Variants in DDX24 observed in about 807,000 individuals in gnomAD.
DDX24 encodes DEAD-box helicase 24.
In DDX24, 24 loss-of-function variants were observed where a neutral mutation model predicts 68.9. The observed-to-expected ratio is 0.35, with a 90% CI of 0.25 to 0.49. The LOEUF is 0.49. Ranked by LOEUF, DDX24 falls within the 20% of genes least tolerant of loss-of-function variation. The pLI, the probability that DDX24 is intolerant of heterozygous loss-of-function variation, is 0.99. For missense variants in DDX24, 989 were observed against 1,039.0 expected, an observed-to-expected ratio of 0.95 and a Z score of 0.66; for synonymous variants, 395 against 385.2, an observed-to-expected ratio of 1.03 and a Z score of -0.30.
intron 7 of DDX24, among the ~76,000 whole-genome samples, 169 bp downstream of exon 7, chr14:94,054,827 T>C (rs1424895914): frequency 6.6e-6 from 1 of 152,186 alleles, no homozygotes. Context: ...TTTTCTCCCT[T>C]TTCCCAGGTA....
At chr14:94,064,192 A>G (rs1286294621) in intron 2 of DDX24, among the ~76,000 whole-genome samples, 1 of 152,228 alleles carries the variant, frequency 6.6e-6, no homozygotes, top group Non-Finnish European at 1.5e-5. Context: ...AGACAACAAA[A>G]AAGATAAAAT....
chr14:94,055,256 C>G (rs1885471573), intron 6 of DDX24, 72 bp from the exon 7 acceptor site: 2 of 1,504,628 alleles, frequency 1.3e-6, no homozygotes, highest in Admixed American at 1.9e-5. Context: ...AGGGCCACAT[C>G]CCCAAACCAG....
rs1567059065 is a variant in DDX24, at chr14:94,061,530, TA to T, written c.1244-465del. Among the ~76,000 whole-genome samples the T allele has an allele frequency of 3.9e-5, 6 of 152,318 alleles. No individual in the cohort carries two copies. The South Asian group carries it at 1.0e-3, about 26-fold the overall frequency. On this transcript the variant is annotated intron_variant, in intron 3 of 8. Coordinates refer to ENST00000621632, the MANE Select transcript of DDX24 (RefSeq NM_020414.4). ...AGAAATTCTCATAGTATCATGTGGG[TA>T]AAGGGCTTAGCAATAGTAACAACTT... is the stretch of plus-strand genomic sequence containing the variant.
chr14:94,060,899 G>C lies in DDX24; in HGVS notation c.1397+14C>G, dbSNP rs1885583961. Reference sequence around the variant, plus strand: ...AAAGGCAGTGAGGGGGAAAAGAGAAGTGCCATCTATTACCTGAGCTGCCGA... The same window carrying C: ...AAAGGCAGTGAGGGGGAAAAGAGAACTGCCATCTATTACCTGAGCTGCCGA... On this transcript the variant is annotated intron_variant, in intron 4 of 8. Transcript: ENST00000621632. The C allele has an allele frequency of 6.2e-7, 1 of 1,613,488 alleles. No individual in the cohort carries two copies. The highest frequency in any genetic ancestry group is 8.5e-7 in the Non-Finnish European group (1 of 1,179,652).
chr14:94,052,886 A>G, intron 8 of DDX24, 112 bp downstream of exon 8: 1 of 1,424,124 alleles, frequency 7.0e-7, no homozygotes, highest in Non-Finnish European at 9.4e-7. Flanking sequence ...AAGAGGGGGA[A>G]GGACGCCTTG....
At position 94,060,579 on chromosome 14, in the gene DDX24, C is replaced by T. The variant is rs1885575744; in HGVS notation, c.1432G>A (p.Glu478Lys). ...GAGAGCTCAGCAAAATGGCCTTTCT[C>T]AACCATCCGGTCAGCCTCATCCACT... ...LVVDEADRMV[E>K]KGHFAELSQL... Residue 478 changes from glutamate to lysine, a missense_variant, in exon 5 of 9, where the codon GAG becomes AAG. Physicochemically the swap from Glu to Lys is moderately conservative, Grantham distance 56 (BLOSUM62 1). Coordinates refer to ENST00000621632, the MANE Select transcript of DDX24 (RefSeq NM_020414.4). The T allele has an allele frequency of 6.2e-7, 1 of 1,613,940 alleles. No homozygotes were observed. Among genetic ancestry groups the T allele is most frequent in the Non-Finnish European group, 8.5e-7 (1 of 1,179,930 alleles).
chr14:94,062,310 G>C lies in DDX24; in HGVS notation c.1030C>G (p.Leu344Val), dbSNP rs1885613296. 1 of 1,614,214 alleles carries C rather than the reference G, an allele frequency of 6.2e-7. No individual in the cohort carries two copies. Among genetic ancestry groups the C allele is most frequent in the Admixed American group, 1.7e-5 (1 of 60,026 alleles). ...TTGGGAACAGGTTTCTCCCTGATCA[G>C]GGAAGAAGGCCCTTCACCAGCATCA... is the stretch of plus-strand genomic sequence containing the variant. ...DDDAGEGPSS[L>V]IREKPVPKQN... is the part of the protein sequence containing the mutation. Residue 344 changes from leucine (L) to valine (V), a missense_variant, in exon 3 of 9, where the codon CTG (leucine) becomes GTG (valine). Transcript: ENST00000621632.
At chr14:94,059,914 A>G (rs570105393) in intron 5 of DDX24, among the ~76,000 whole-genome samples, 184 bp downstream of exon 5, 11 of 152,124 alleles carry the variant, frequency 7.2e-5, no homozygotes, top group Admixed American at 7.2e-4. Context: ...ATTTAACTGC[A>G]ACCAAATTCA....
At chr14:94,058,158 A>ACTC (rs376419658) in intron 5 of DDX24, among the ~76,000 whole-genome samples, 1,913 of 151,908 alleles carry the variant, frequency 0.013, 43 homozygotes, top group African/African-American at 0.042. Flanking sequence ...AATGATAAAG[A>ACTC]CTCCCTTCAG....
chr14:94,065,348 G>A (rs1031836060), intron 2 of DDX24, among the ~76,000 whole-genome samples: 1 of 140,696 alleles, frequency 7.1e-6, no homozygotes, highest in African/African-American at 2.7e-5. Context: ...CACTGCACCC[G>A]GCGTATGGGT....
At chr14:94,057,959 C>A in intron 5 of DDX24, 62 bp from the exon 6 acceptor site, 1 of 1,506,398 alleles carries the variant, frequency 6.6e-7, no homozygotes, top group Non-Finnish European at 9.2e-7. Context: ...CAAATTCTTA[C>A]CAACTGCTGA....
chr14:94,079,250 G>A lies in DDX24; in HGVS notation c.493C>T (p.Pro165Ser). The A allele has an allele frequency of 1.2e-6, 2 of 1,614,148 alleles. No individual in the cohort carries two copies. Among genetic ancestry groups the A allele is most frequent in the Non-Finnish European group, 1.7e-6 (2 of 1,180,024 alleles). Residue 165 changes from proline (P) to serine (S), a missense_variant, in exon 2 of 9, where the codon CCT becomes TCT. Physicochemically the swap from Pro to Ser is moderately conservative, Grantham distance 74. Around this residue, in one of 3 missense-constraint regions of DDX24, gnomAD observed 295 missense variants for 263.0 expected, o/e 1.12. Coordinates refer to ENST00000621632, the MANE Select transcript of DDX24 (RefSeq NM_020414.4). The part of the protein sequence containing the change: ...KKNKGKKGLE[P>S]SQSTAAKVPK... ...ACCTTGGCAGCAGTGCTCTGAGAAG[G>A]CTCCAACCCTTTTTTCCCTTTATTT...
At chr14:94,074,301 A>C (rs910791454) in intron 2 of DDX24, among the ~76,000 whole-genome samples, 1 of 152,206 alleles carries the variant, frequency 6.6e-6, no homozygotes, top group Non-Finnish European at 1.5e-5. Context: ...CTATCCCATG[A>C]ACATAAGTTC....
At position 94,060,516 on chromosome 14, in the gene DDX24, G is replaced by A. The variant is rs1885574294; in HGVS notation, c.1495C>T (p.Pro499Ser). The part of the protein sequence containing the change: ...LEMLNDSQYN[P>S]KRQTLVFSAT... ...GAAAAAACAAGCGTTTGTCTCTTTG[G>A]GTTGTATTGGGAGTCATTGAGCATC... Residue 499 changes from proline (P) to serine (S), a missense_variant, in exon 5 of 9, where the codon CCA becomes TCA. Coordinates refer to ENST00000621632, the MANE Select transcript of DDX24 (RefSeq NM_020414.4). 6.2e-7 allele frequency: 1 copy of A among 1,614,002 alleles called. No individual in the cohort carries two copies. Among genetic ancestry groups the A allele is most frequent in the African/African-American group, 1.3e-5 (1 of 74,878 alleles).
At position 94,076,375 on chromosome 14, in the gene DDX24, T is replaced by C. The variant is rs150362429; in HGVS notation, c.718+2650A>G. On this transcript the variant is annotated intron_variant, in intron 2 of 8. Coordinates refer to ENST00000621632, the MANE Select transcript of DDX24 (RefSeq NM_020414.4). ...CAGTACATATTATATGATTTCATTA[T>C]ATAAAATTCTAGAAAACGCAAATTA... Among the ~76,000 whole-genome samples the C allele has an allele frequency of 5.5e-4, 84 of 152,252 alleles. 2 individuals carry two copies. Among genetic ancestry groups the C allele is most frequent in the African/African-American group, 2.0e-3 (83 of 41,554 alleles).
chr14:94,063,165 A>G (rs530119376), intron 2 of DDX24, among the ~76,000 whole-genome samples: 67 of 152,376 alleles, frequency 4.4e-4, no homozygotes, highest in Admixed American at 8.5e-4. Flanking sequence ...TGCCCTAGGC[A>G]GAAGCCAATA....
In DDX24 at chr14:94,051,259, TCTTCTG is replaced by T; in HGVS notation, c.2506_2511del (p.Gln836_Lys837del). ...TCCTTCGGCTTCTTTGTCTTCTTCT[TCTTCTG>T]CTTGGAGAGACAGCTCAAAGCAGAC... On this transcript the variant is annotated inframe_deletion, in exon 9 of 9. Coordinates refer to ENST00000621632, the MANE Select transcript of DDX24 (RefSeq NM_020414.4). 1 of 1,599,414 alleles carries T rather than the reference TCTTCTG, an allele frequency of 6.3e-7. No homozygotes were observed. Among genetic ancestry groups the T allele is most frequent in the South Asian group, 1.1e-5 (1 of 88,372 alleles).
chr14:94,069,384 C>CA (rs1006402643), intron 2 of DDX24, among the ~76,000 whole-genome samples: 5 of 151,600 alleles, frequency 3.3e-5, no homozygotes, highest in African/African-American at 1.2e-4. Flanking sequence ...AAATTACCAA[C>CA]AAAAAAAAGT....
rs971050812 is a variant in DDX24 at position 94,062,213 on chromosome 14, T to C, written c.1127A>G (p.Lys376Arg). 6.2e-7 allele frequency: 1 copy of C among 1,614,008 alleles called. No individual in the cohort carries two copies. The highest frequency in any genetic ancestry group is 2.2e-5 in the East Asian group (1 of 44,888). The change falls in exon 3 of 9, where the codon AAA (lysine) becomes AGA (arginine). Residue 376 changes from lysine to arginine, a missense_variant. This residue lies in a region of DDX24 where 691 missense variants were observed against 760.0 expected (regional missense o/e 0.91). Transcript: ENST00000621632. ...TGGATATGCCTTACAGGTGGCGCTT[T>C]TGTCATCCAACTCCTGTTTTAGATT... is the stretch of plus-strand genomic sequence containing the variant. The part of the protein sequence containing the change: ...TGNLKQELDD[K>R]SATCKAYPKR...
Sources: allele counts gnomAD v4.1 joint callset (sites outside exome capture counted in the v4.1 genomes callset), GRCh38; gene constraint gnomAD v4.1.1; regional missense constraint gnomAD v4.1.1; transcripts MANE v1.5; gene names NCBI Gene and HGNC (gene_info 2026-07-23, HGNC 2026-07-21).